Variants in EML4 observed in about 807,000 individuals in gnomAD.
EML4 encodes the protein EMAP like 4.
In EML4, 72 loss-of-function variants were observed where a neutral mutation model predicts 129.0. That is an observed-to-expected ratio of 0.56 (90% confidence interval 0.46 to 0.68). EML4 has a LOEUF of 0.68. Ranked by LOEUF, EML4 falls within the 30% of genes least tolerant of loss-of-function variation. The pLI is 0.00. For synonymous variants in EML4, 532 were observed against 405.0 expected (o/e 1.31, Z -3.77); for missense variants, 1,363 against 1,190.6 (o/e 1.14, Z -2.13).
chr2:42,312,154 G>T (rs947971819), intron 17 of EML4, among the ~76,000 whole-genome samples: 2 of 152,168 alleles, frequency 1.3e-5, no homozygotes, highest in South Asian at 2.1e-4. Flanking sequence ...AACAAAATTC[G>T]GTTAGCTTCC....
Position 42,331,280 on chromosome 2 carries a change from T to TA in EML4, c.*1074dup, listed in dbSNP as rs1670086304. On this transcript the variant is annotated 3_prime_UTR_variant, in exon 23 of 23. Transcript: ENST00000318522. ...GGGTAACAGTCACAGCAGTTTTTTT[T>TA]ACCAACAGCATACTTAACAGACTTG... 4.5e-6 allele frequency: 1 copy of TA among 223,558 alleles called. No homozygotes were observed. Among genetic ancestry groups the TA allele is most frequent in the Non-Finnish European group, 8.9e-6 (1 of 111,734 alleles). The allele number at this position is 223,558 out of a possible 1,614,324, so 13.8% of individuals were successfully genotyped here.
chr2:42,307,178 C>A (rs1407354827), intron 17 of EML4, among the ~76,000 whole-genome samples: 1 of 152,128 alleles, frequency 6.6e-6, no homozygotes, highest in Non-Finnish European at 1.5e-5. Context: ...ATACACGGCC[C>A]CAATTTGTAG....
chr2:42,222,982 G>A (rs1218906490), intron 1 of EML4, among the ~76,000 whole-genome samples: 1 of 151,982 alleles, frequency 6.6e-6, no homozygotes, highest in Admixed American at 6.6e-5. Context: ...TGTCTTTTTA[G>A]TAGAGATGGG....
chr2:42,307,163 T>C (rs1668653853), intron 17 of EML4, among the ~76,000 whole-genome samples: 1 of 152,204 alleles, frequency 6.6e-6, no homozygotes, highest in South Asian at 2.1e-4. Flanking sequence ...TGTTTACAAA[T>C]AGACATACAC....
chr2:42,288,132 C>A, intron 10 of EML4, 95 bp from the exon 11 acceptor site: 1 of 543,286 alleles, frequency 1.8e-6, no homozygotes, highest in Admixed American at 3.1e-5. Flanking sequence ...TTTGGGTTAT[C>A]TTACTATTTG....
At chr2:42,323,110 G>A (rs984499571) in intron 19 of EML4, among the ~76,000 whole-genome samples, 1 of 152,104 alleles carries the variant, frequency 6.6e-6, no homozygotes, top group African/African-American at 2.4e-5. Context: ...ACAAAGCTTT[G>A]CACAAAGATG....
At chr2:42,200,988 T>C (rs1403489772) in intron 1 of EML4, among the ~76,000 whole-genome samples, 1 of 152,172 alleles carries the variant, frequency 6.6e-6, no homozygotes, top group African/African-American at 2.4e-5. Context: ...ATTAAGTGAA[T>C]TGCATCCTCT....
At chr2:42,211,814 C>G (rs1351232551) in intron 1 of EML4, among the ~76,000 whole-genome samples, 1 of 151,932 alleles carries the variant, frequency 6.6e-6, no homozygotes, top group Non-Finnish European at 1.5e-5. Context: ...ATTTTCTTCC[C>G]AGACACAAAA....
chr2:42,189,619 C>A (rs1292854687), intron 1 of EML4, among the ~76,000 whole-genome samples: 2 of 152,130 alleles, frequency 1.3e-5, no homozygotes, highest in African/African-American at 4.8e-5. Context: ...AACATGATCT[C>A]CTTAATTCAC....
chr2:42,291,892 C>G (rs775159257), intron 11 of EML4, among the ~76,000 whole-genome samples: 1 of 152,148 alleles, frequency 6.6e-6, no homozygotes, highest in Non-Finnish European at 1.5e-5. Context: ...TAAAGGTACA[C>G]AACCTCATTA....
chr2:42,300,984 T>A (rs1668254328), intron 13 of EML4, among the ~76,000 whole-genome samples: 1 of 152,234 alleles, frequency 6.6e-6, no homozygotes, highest in African/African-American at 2.4e-5. Context: ...TCACTACTTT[T>A]GCTTTGGTTT....
At chr2:42,200,914 C>T (rs576521594) in intron 1 of EML4, among the ~76,000 whole-genome samples, 1 of 152,248 alleles carries the variant, frequency 6.6e-6, no homozygotes, top group South Asian at 2.1e-4. Context: ...TATTCCAAGT[C>T]TTTTCCACTT....
chr2:42,279,243 C>T (rs780495813), intron 6 of EML4, among the ~76,000 whole-genome samples: 1 of 152,120 alleles, frequency 6.6e-6, no homozygotes, highest in Non-Finnish European at 1.5e-5. Flanking sequence ...GTGAATAGTG[C>T]TGCTGTGAAC....
chr2:42,262,690 G>T (rs944826541), intron 4 of EML4, among the ~76,000 whole-genome samples: 1 of 152,068 alleles, frequency 6.6e-6, no homozygotes, highest in Admixed American at 6.6e-5. Context: ...GTTTATTTCT[G>T]ATCATTGGTA....
chr2:42,173,078 A>G (rs1670369569), intron 1 of EML4, among the ~76,000 whole-genome samples: 1 of 152,224 alleles, frequency 6.6e-6, no homozygotes, highest in Non-Finnish European at 1.5e-5. Flanking sequence ...AAGAAACAAC[A>G]TTCTGGGTAC....
At chr2:42,285,575 C>T (rs1398716956) in intron 9 of EML4, among the ~76,000 whole-genome samples, 1 of 150,850 alleles carries the variant, frequency 6.6e-6, no homozygotes, top group African/African-American at 2.4e-5. Flanking sequence ...GGATTAGAAT[C>T]CTGACTCCAC....
At chr2:42,212,648 C>T (rs1297689442) in intron 1 of EML4, among the ~76,000 whole-genome samples, 1 of 152,126 alleles carries the variant, frequency 6.6e-6, no homozygotes, top group Non-Finnish European at 1.5e-5. Context: ...TGGCATGACA[C>T]CCACAGATAC....
chr2:42,237,034 T>G (rs1015723154), intron 1 of EML4, among the ~76,000 whole-genome samples: 1 of 152,122 alleles, frequency 6.6e-6, no homozygotes, highest in Admixed American at 6.5e-5. Context: ...ACCTCCCTGG[T>G]CTCAGGTCAT....
intron 1 of EML4, among the ~76,000 whole-genome samples, chr2:42,170,662 T>C (rs1433362562): frequency 1.3e-5 from 2 of 152,234 alleles, no homozygotes; most frequent in Non-Finnish European, 2.9e-5. Flanking sequence ...ACTGTTAGAA[T>C]GGTGAGAGAA....
Sources: gnomAD v4.1 joint callset for allele counts (sites outside exome capture counted in the v4.1 genomes callset) on GRCh38, gnomAD v4.1.1 for gene constraint, MANE v1.5 for transcripts, NCBI Gene and HGNC (gene_info 2026-07-23, HGNC 2026-07-21) for gene names.